SLC6A6: variants seen among roughly 807,000 people sequenced by gnomAD.
SLC6A6 encodes the protein sodium- and chloride-dependent taurine transporter.
A neutral mutation model predicts 68.8 loss-of-function variants in SLC6A6; 16 were observed. That is an observed-to-expected ratio of 0.23 (90% CI 0.16 to 0.35). The LOEUF is 0.35. Among genes scored for constraint, SLC6A6 ranks in the 10% least tolerant of loss-of-function variants. The pLI is 1.00. For synonymous variants in SLC6A6, 312 were observed against 315.4 expected (o/e 0.99, Z 0.12); for missense variants, 474 against 802.8 (o/e 0.59, Z 4.95).
rs565568087 is a variant in SLC6A6 at position 14,439,769 on chromosome 3, A to G, written c.-11-3855A>G. On this transcript the variant is annotated intron_variant, in intron 2 of 14. Coordinates refer to ENST00000622186, the MANE Select transcript of SLC6A6 (RefSeq NM_003043.6). ...GGTGACCACTTGTGTGTGTGTGAGG[A>G]AGCTGGGGTGACTGGCCTAATTGCA... 2.6e-5 allele frequency among the ~76,000 whole-genome samples: 4 copies of G among 152,086 alleles called. No homozygotes were observed. The East Asian group carries it at 7.7e-4, about 29-fold the overall frequency.
At chr3:14,430,044 G>A (rs1026004270) in intron 2 of SLC6A6, among the ~76,000 whole-genome samples, 4 of 152,132 alleles carry the variant, frequency 2.6e-5, no homozygotes, top group African/African-American at 9.7e-5. Context: ...TCTTCCAGGT[G>A]GGTGGGATCT....
intron 10 of SLC6A6, among the ~76,000 whole-genome samples, chr3:14,476,761 C>T (rs1237292328): frequency 6.6e-6 from 1 of 152,252 alleles, no homozygotes. Context: ...TGTGATACCA[C>T]CCTTATCTTC....
rs535426826 is a variant in SLC6A6 at position 14,443,808 on chromosome 3, C to T, written c.174C>T (p.Phe58=). 1.3e-5 allele frequency: 21 copies of T among 1,614,130 alleles called. No homozygotes were observed. The highest frequency in any genetic ancestry group is 5.3e-5 in the African/African-American group (4 of 75,032). The change falls in exon 3 of 15, where the codon TTC becomes TTT. Residue 58 remains phenylalanine (F), a synonymous_variant. Coordinates refer to ENST00000622186, the MANE Select transcript of SLC6A6 (RefSeq NM_003043.6). ...IDFVLSVAGG[F]VGLGNVWRFP... ...TTGTGCTCTCTGTGGCTGGCGGCTT[C>T]GTGGGCTTGGGCAACGTCTGGCGCT...
rs1238842255 is a variant in SLC6A6 at position 14,486,526 on chromosome 3, G to A, written c.*1519G>A. On this transcript the variant is annotated 3_prime_UTR_variant, in exon 15 of 15. Transcript: ENST00000622186. ...ACTGGCTTGATCAAGGGCCTTATGT[G>A]GAGCAGAGGTTGTCTCTGAACCAGG... is the stretch of plus-strand genomic sequence containing the variant. 6.6e-6 allele frequency: 1 copy of A among 152,616 alleles called. No individual in the cohort carries two copies. The highest frequency in any genetic ancestry group is 6.5e-5 in the Admixed American group (1 of 15,274). 9.5% of individuals were successfully genotyped at this position (152,616 alleles called of 1,614,324 possible). A position where few individuals can be genotyped will look rare whatever the true frequency, so the allele number is the denominator to read the frequency against.
intron 6 of SLC6A6, 88 bp from the exon 7 acceptor site, chr3:14,466,428 T>A: frequency 6.9e-7 from 1 of 1,443,076 alleles, no homozygotes; most frequent in South Asian, 1.3e-5. Context: ...TCCTGACCAG[T>A]GCTCCCCTCT....
intron 1 of SLC6A6, among the ~76,000 whole-genome samples, chr3:14,403,396 G>C (rs1431704086): frequency 6.6e-6 from 1 of 152,148 alleles, no homozygotes; most frequent in Admixed American, 6.5e-5. Context: ...CCAGGCCCTG[G>C]CTAGGTGCAC....
At chr3:14,475,821 G>C (rs530025315) in intron 10 of SLC6A6, among the ~76,000 whole-genome samples, 1 of 152,302 alleles carries the variant, frequency 6.6e-6, no homozygotes, top group East Asian at 1.9e-4. Context: ...ATGAGTCAGA[G>C]GTCAAAAAAG....
chr3:14,452,725 C>T (rs1298995296), intron 5 of SLC6A6, among the ~76,000 whole-genome samples: 3 of 152,206 alleles, frequency 2.0e-5, no homozygotes, highest in Non-Finnish European at 4.4e-5. Flanking sequence ...CATGAGAAGC[C>T]GCTGGGGCCC....
intron 6 of SLC6A6, among the ~76,000 whole-genome samples, chr3:14,462,500 C>T (rs2124973412): frequency 6.6e-6 from 1 of 152,230 alleles, no homozygotes; most frequent in East Asian, 1.9e-4. Flanking sequence ...GAGTCCGAGA[C>T]CAACCTGGTC....
At chr3:14,439,578 A>T (rs1699935349) in intron 2 of SLC6A6, among the ~76,000 whole-genome samples, 1 of 152,146 alleles carries the variant, frequency 6.6e-6, no homozygotes, top group Admixed American at 6.6e-5. Context: ...AATTCTAATC[A>T]CTTGTAGCTG....
rs1423639216 is a variant in SLC6A6 at position 14,417,416 on chromosome 3, T to G, written c.-12+963T>G. ...ATTGCAGGCATGATGCCCCTTCACC[T>G]CAATCCTTCAGGCCTTTCATAAGAG... On this transcript the variant is annotated intron_variant, in intron 2 of 14. Coordinates refer to ENST00000622186, the MANE Select transcript of SLC6A6 (RefSeq NM_003043.6). 2.6e-5 allele frequency among the ~76,000 whole-genome samples: 4 copies of G among 151,916 alleles called. No homozygotes were observed. In the East Asian group the frequency reaches 7.9e-4, roughly 30 times the overall value.
In SLC6A6 at chr3:14,484,983, C is replaced by G; in HGVS notation, c.1839C>G (p.His613Gln). 1 of 1,613,286 alleles carries G rather than the reference C, an allele frequency of 6.2e-7. No homozygotes were observed. Among genetic ancestry groups the G allele is most frequent in the Non-Finnish European group, 8.5e-7 (1 of 1,179,746 alleles). The change falls in exon 15 of 15, where the codon CAC becomes CAG. Residue 613 changes from histidine to glutamine, a missense_variant. Around this residue, in one of 2 missense-constraint regions of SLC6A6, gnomAD observed 194 missense variants for 269.8 expected, o/e 0.72. Transcript: ENST00000622186. Reference sequence around the variant, plus strand: ...ACGGCGCTCTCGTGAAACCGACCCACATCATTGTGGAGACCATGATGTGAG... The same window carrying G: ...ACGGCGCTCTCGTGAAACCGACCCAGATCATTGTGGAGACCATGATGTGAG... ...VMNGALVKPT[H>Q]IIVETMM
chr3:14,431,873 G>T (rs979471264), intron 2 of SLC6A6, among the ~76,000 whole-genome samples: 1 of 152,190 alleles, frequency 6.6e-6, no homozygotes, highest in Non-Finnish European at 1.5e-5. Context: ...GAACAAGGAG[G>T]GGGAGGTTGT....
At chr3:14,426,151 CCT>C (rs1699592070) in intron 2 of SLC6A6, among the ~76,000 whole-genome samples, 1 of 152,174 alleles carries the variant, frequency 6.6e-6, no homozygotes, top group Non-Finnish European at 1.5e-5. Flanking sequence ...TCAGTTTCCC[CCT>C]GTGTCAGGTT....
chr3:14,425,305 A>G (rs1699569910), intron 2 of SLC6A6, among the ~76,000 whole-genome samples: 1 of 152,164 alleles, frequency 6.6e-6, no homozygotes, highest in Non-Finnish European at 1.5e-5. Context: ...TAGGTGATGC[A>G]GCATAGGCAA....
At chr3:14,484,814 G>A in intron 14 of SLC6A6, 53 bp from the exon 15 acceptor site, 4 of 1,594,708 alleles carry the variant, frequency 2.5e-6, no homozygotes, top group East Asian at 2.2e-5. Context: ...CCTGGCGAAG[G>A]GGAGACCAGG....
chr3:14,415,311 A>G (rs1176955902), intron 1 of SLC6A6, among the ~76,000 whole-genome samples: 1 of 152,182 alleles, frequency 6.6e-6, no homozygotes, highest in African/African-American at 2.4e-5. Flanking sequence ...AAGCAATGAG[A>G]TCATCTAATT....
intron 1 of SLC6A6, among the ~76,000 whole-genome samples, chr3:14,414,622 C>T (rs1047284189): frequency 3.9e-5 from 6 of 152,196 alleles, no homozygotes; most frequent in African/African-American, 1.4e-4. Context: ...AACTTCTGGG[C>T]TCAAGCAGTC....
chr3:14,418,945 T>TC (rs1017690906), intron 2 of SLC6A6, among the ~76,000 whole-genome samples: 1 of 152,140 alleles, frequency 6.6e-6, no homozygotes, highest in African/African-American at 2.4e-5. Flanking sequence ...CCCTTCCCCT[T>TC]CCCCCGGGAC....
Sources: allele counts gnomAD v4.1 joint callset (sites outside exome capture counted in the v4.1 genomes callset), GRCh38; gene constraint gnomAD v4.1.1; regional missense constraint gnomAD v4.1.1; transcripts MANE v1.5; gene names NCBI Gene and HGNC (gene_info 2026-07-23, HGNC 2026-07-21).